Variants in CSMD1 observed in about 807,000 individuals in gnomAD.
CSMD1 encodes CUB and Sushi multiple domains 1.
A neutral mutation model predicts 417.5 loss-of-function variants in CSMD1; 213 were observed. The ratio of observed to expected loss-of-function variants is 0.51; its 90% confidence interval spans 0.46 to 0.57. The LOEUF is 0.57. Ranked by LOEUF, CSMD1 falls within the 20% of genes least tolerant of loss-of-function variation. The probability of loss-of-function intolerance (pLI) is 0.00; values close to 1 mark genes in which losing one functional copy is unlikely to be tolerated. For synonymous variants in CSMD1, 2,862 were observed against 1,736.8 expected, an observed-to-expected ratio of 1.65 and a Z score of -16.11; for missense variants, 6,923 against 4,529.7, an observed-to-expected ratio of 1.53 and a Z score of -15.17.
intron 50 of CSMD1, among the ~76,000 whole-genome samples, chr8:3,031,172 C>A (rs977058546): frequency 3.2e-4 from 48 of 151,966 alleles, no homozygotes; most frequent in African/African-American, 1.2e-3. Flanking sequence ...TATAACTCAA[C>A]TTGAATCTGA....
At chr8:3,649,354 G>A (rs1368854906) in intron 7 of CSMD1, among the ~76,000 whole-genome samples, 1 of 152,158 alleles carries the variant, frequency 6.6e-6, no homozygotes. Context: ...AAATCTAAAT[G>A]TCCGCTTTTA....
At chr8:3,120,813 C>G (rs1326340581) in intron 41 of CSMD1, among the ~76,000 whole-genome samples, 1 of 152,110 alleles carries the variant, frequency 6.6e-6, no homozygotes, top group African/African-American at 2.4e-5. Context: ...CGCCACTGCA[C>G]TCCAGCCTGG....
At chr8:4,031,722 T>G (rs1386886213) in intron 4 of CSMD1, among the ~76,000 whole-genome samples, 183 bp downstream of exon 4, 1 of 152,264 alleles carries the variant, frequency 6.6e-6, no homozygotes, top group Non-Finnish European at 1.5e-5. Flanking sequence ...TTATTACACA[T>G]TACATGTTAT....
intron 2 of CSMD1, among the ~76,000 whole-genome samples, chr8:4,578,964 C>T (rs1045614846): frequency 2.0e-5 from 3 of 151,450 alleles, no homozygotes; most frequent in Admixed American, 1.3e-4. Flanking sequence ...AATGATTAAC[C>T]TTTTTAAACA....
At chr8:4,804,988 C>T (rs188754385) in intron 1 of CSMD1, among the ~76,000 whole-genome samples, 1 of 152,180 alleles carries the variant, frequency 6.6e-6, no homozygotes, top group African/African-American at 2.4e-5. Context: ...CTGGTAAACA[C>T]ATAGGATTAA....
intron 12 of CSMD1, among the ~76,000 whole-genome samples, chr8:3,413,923 G>A (rs1288135581): frequency 6.6e-6 from 1 of 151,914 alleles, no homozygotes; most frequent in East Asian, 1.9e-4. Context: ...ATGATCACTT[G>A]AGATCATGAG....
chr8:3,885,708 G>A (rs538897382), intron 5 of CSMD1, among the ~76,000 whole-genome samples: 2 of 152,104 alleles, frequency 1.3e-5, no homozygotes, highest in African/African-American at 2.4e-5. Flanking sequence ...GTGAGCTCAT[G>A]AAATTTCAGG....
At chr8:3,253,474 G>A (rs1361638120) in intron 26 of CSMD1, among the ~76,000 whole-genome samples, 5 of 152,310 alleles carry the variant, frequency 3.3e-5, no homozygotes, top group African/African-American at 4.8e-5. Flanking sequence ...TGGACTAGGT[G>A]TGGTGTGGTG....
intron 2 of CSMD1, among the ~76,000 whole-genome samples, chr8:4,453,879 T>G (rs1488523247): frequency 1.5e-5 from 2 of 129,598 alleles, no homozygotes; most frequent in Non-Finnish European, 3.1e-5. Flanking sequence ...TGGAGTGCAC[T>G]GGCGCGACCT....
intron 3 of CSMD1, among the ~76,000 whole-genome samples, chr8:4,418,350 C>T (rs975443715): frequency 1.3e-5 from 2 of 152,060 alleles, no homozygotes; most frequent in Non-Finnish European, 2.9e-5. Context: ...CAATCTTGCC[C>T]TATTTTCTTC....
intron 2 of CSMD1, among the ~76,000 whole-genome samples, chr8:4,451,709 C>G (rs1034698002): frequency 6.6e-6 from 1 of 151,996 alleles, no homozygotes; most frequent in Non-Finnish European, 1.5e-5. Context: ...CCAGGCAAAG[C>G]TTTTTAAAAT....
intron 2 of CSMD1, among the ~76,000 whole-genome samples, chr8:4,512,486 T>C (rs1802875874): frequency 6.6e-6 from 1 of 152,070 alleles, no homozygotes; most frequent in Non-Finnish European, 1.5e-5. Flanking sequence ...GAAATAAAAG[T>C]TGTTTATTCC....
At chr8:4,140,624 C>A (rs371195041) in intron 3 of CSMD1, among the ~76,000 whole-genome samples, 1 of 150,844 alleles carries the variant, frequency 6.6e-6, no homozygotes. Flanking sequence ...GCCATGATTG[C>A]GCCACTGCAC....
At chr8:3,227,735 C>G (rs1798597863) in intron 27 of CSMD1, among the ~76,000 whole-genome samples, 1 of 151,040 alleles carries the variant, frequency 6.6e-6, no homozygotes, top group Non-Finnish European at 1.5e-5. Flanking sequence ...ATTTACGAAA[C>G]AGTCAAGCAG....
At chr8:4,911,908 G>A (rs11136791) in intron 1 of CSMD1, among the ~76,000 whole-genome samples, 143,849 of 152,110 alleles carry the variant, frequency 0.95, 68,137 homozygotes, top group East Asian at 1. Context: ...TTACTAGACA[G>A]GTATTTTGTG....
chr8:3,255,172 C>T (rs1275047290), intron 26 of CSMD1, among the ~76,000 whole-genome samples: 1 of 152,184 alleles, frequency 6.6e-6, no homozygotes, highest in Non-Finnish European at 1.5e-5. Flanking sequence ...GTAGCAGAGG[C>T]TGCAGAGCAG....
At chr8:4,043,141 A>C (rs1212108710) in intron 3 of CSMD1, among the ~76,000 whole-genome samples, 1 of 152,156 alleles carries the variant, frequency 6.6e-6, no homozygotes, top group East Asian at 1.9e-4. Flanking sequence ...TACAAAACAA[A>C]ACAAAACAAT....
chr8:2,960,636 G>C (rs995759486), intron 62 of CSMD1, among the ~76,000 whole-genome samples: 1 of 152,084 alleles, frequency 6.6e-6, no homozygotes. Context: ...ATAATTCATA[G>C]AAATTTAAAG....
At chr8:4,619,767 G>T (rs1003808791) in intron 2 of CSMD1, among the ~76,000 whole-genome samples, 1 of 151,988 alleles carries the variant, frequency 6.6e-6, no homozygotes, top group African/African-American at 2.4e-5. Context: ...GGAAAACCAG[G>T]CATGTCCTCA....
Sources: allele counts gnomAD v4.1 joint callset (sites outside exome capture counted in the v4.1 genomes callset), GRCh38; gene constraint gnomAD v4.1.1; transcripts MANE v1.5; gene names NCBI Gene and HGNC (gene_info 2026-07-23, HGNC 2026-07-21).